The following DOCK7 variants were observed in gnomAD, a reference collection of about 807,000 sequenced individuals.
The protein encoded by DOCK7 is dedicator of cytokinesis 7.
In DOCK7, 138 loss-of-function variants were observed where a neutral mutation model predicts 271.0. That is an observed-to-expected ratio of 0.51 (90% CI 0.44 to 0.59). DOCK7 has a LOEUF of 0.59. DOCK7 is among the 20% of genes least tolerant of loss of function. The pLI, the probability that DOCK7 is intolerant of heterozygous loss-of-function variation, is 0.00. For missense variants in DOCK7, 2,066 were observed against 2,592.4 expected, an observed-to-expected ratio of 0.80 and a Z score of 4.41; for synonymous variants, 823 against 876.1, an observed-to-expected ratio of 0.94 and a Z score of 1.07.
In DOCK7 at chr1:62,663,091, T is replaced by C; in HGVS notation, c.78A>G (p.Gln26=). The change falls in exon 2 of 50, where the codon CAA becomes CAG. Residue 26 remains glutamine (Q), a synonymous_variant. Transcript: ENST00000635253. ...TGAGCAGTTGGGGAGAACCACTATA[T>C]TGTCCGGAGATCTGCTTCCTAACTT... ...AAEVRKQISG[Q]YSGSPQLLKN... 3 of 1,613,746 alleles carry C rather than the reference T, an allele frequency of 1.9e-6. No homozygotes were observed. The highest frequency in any genetic ancestry group is 2.5e-6 in the Non-Finnish European group (3 of 1,179,894).
Position 62,551,004 on chromosome 1 carries a change from A to AG in DOCK7, c.2766+1727dup, listed in dbSNP as rs1645885531. Among the ~76,000 whole-genome samples the AG allele has an allele frequency of 3.3e-5, 5 of 152,302 alleles. No individual in the cohort carries two copies. The South Asian group carries it at 1.0e-3, about 32-fold the overall frequency. On this transcript the variant is annotated intron_variant, in intron 22 of 49. Transcript: ENST00000635253. Reference sequence around the variant, plus strand: ...CTGAAGTGCTGGGATTACAGGCATGAGCCACCATACCCAGCCTGATGGGAA... The same window carrying AG: ...CTGAAGTGCTGGGATTACAGGCATGAGGCCACCATACCCAGCCTGATGGGAA...
At chr1:62,576,609 T>A (rs1016437172) in intron 18 of DOCK7, among the ~76,000 whole-genome samples, 10 of 152,234 alleles carry the variant, frequency 6.6e-5, no homozygotes, top group African/African-American at 2.4e-4. Flanking sequence ...TCACAAAACG[T>A]ATTTTAGAGT....
Position 62,552,793 on chromosome 1 carries a change from G to C in DOCK7, c.2705C>G (p.Pro902Arg). 6.2e-7 allele frequency: 1 copy of C among 1,613,834 alleles called. No homozygotes were observed. The highest frequency in any genetic ancestry group is 8.5e-7 in the Non-Finnish European group (1 of 1,179,902). ...TGACGTGGGAGTCCCAGATATATCT[G>C]GATTGCTATTACTAAGGCTTCGAGA... Reference protein sequence around the residue: ...NRSRSLSNSNPDISGTPTSPD... With the variant: ...NRSRSLSNSNRDISGTPTSPD... The change falls in exon 22 of 50, where the codon CCA (proline) becomes CGA (arginine). Residue 902 changes from proline to arginine, a missense_variant. Coordinates refer to ENST00000635253, the MANE Select transcript of DOCK7 (RefSeq NM_001367561.1).
In DOCK7 at chr1:62,474,108, G is replaced by A. The variant is rs529504725; in HGVS notation, c.6106-20C>T. On this transcript the variant is annotated intron_variant, in intron 47 of 49. Coordinates refer to ENST00000635253, the MANE Select transcript of DOCK7 (RefSeq NM_001367561.1). ...AGGCCCCTGCAAAATAAGAAAATAA[G>A]AAGTGTGTTTTTTTGTTATCTCTAA... 24 of 1,593,190 alleles carry A rather than the reference G, an allele frequency of 1.5e-5. No homozygotes were observed. In the South Asian group the frequency reaches 2.7e-4, roughly 18 times the overall value.
intron 37 of DOCK7, 57 bp downstream of exon 37, chr1:62,504,573 T>C (rs919412376): frequency 2.6e-6 from 4 of 1,530,462 alleles, no homozygotes; most frequent in Admixed American, 2.1e-5. Flanking sequence ...TTAATAACTA[T>C]CAGCAGAAGT....
intron 31 of DOCK7, among the ~76,000 whole-genome samples, chr1:62,521,263 GA>G (rs1307266961): frequency 5.9e-5 from 9 of 151,822 alleles, no homozygotes; most frequent in Non-Finnish European, 1.2e-4. Flanking sequence ...TAAAAAAAGG[GA>G]AAAAAATGTT....
chr1:62,586,693 A>G, intron 14 of DOCK7, 69 bp from the exon 15 acceptor site: 1 of 920,314 alleles, frequency 1.1e-6, no homozygotes, highest in Non-Finnish European at 1.6e-6. Flanking sequence ...CTCACAAAAT[A>G]CCACAAAATA....
At chr1:62,582,406 C>T (rs1018525538) in intron 16 of DOCK7, among the ~76,000 whole-genome samples, 21 of 149,876 alleles carry the variant, frequency 1.4e-4, no homozygotes, top group African/African-American at 3.9e-4. Context: ...AAAAATTAGC[C>T]GGGCGTAGTG....
chr1:62,495,451 A>T, intron 39 of DOCK7, 130 bp downstream of exon 39: 1 of 617,526 alleles, frequency 1.6e-6, no homozygotes, highest in Non-Finnish European at 2.5e-6. Flanking sequence ...AATAAAAATA[A>T]AAACAATAAA....
intron 15 of DOCK7, chr1:62,584,475 TA>T: frequency 9.6e-7 from 1 of 1,042,528 alleles, no homozygotes; most frequent in Non-Finnish European, 1.2e-6. Flanking sequence ...ATTTCATACA[TA>T]AAAACATTGT....
intron 10 of DOCK7, among the ~76,000 whole-genome samples, chr1:62,633,228 C>T (rs1012540391): frequency 6.6e-6 from 1 of 151,678 alleles, no homozygotes; most frequent in Non-Finnish European, 1.5e-5. Flanking sequence ...TGTAAAGAGT[C>T]AGTTAGTTTT....
chr1:62,524,475 T>G (rs1157166854), intron 31 of DOCK7, among the ~76,000 whole-genome samples: 1 of 152,198 alleles, frequency 6.6e-6, no homozygotes, highest in Non-Finnish European at 1.5e-5. Context: ...TTCATGCACC[T>G]ATCAACAGAA....
chr1:62,604,639 G>A (rs1650688956), intron 14 of DOCK7: 2 of 1,613,084 alleles, frequency 1.2e-6, no homozygotes, highest in Non-Finnish European at 1.7e-6. Context: ...TTAGGAGGCT[G>A]GTGGTGGCAT....
Position 62,552,741 on chromosome 1 carries a change from G to A in DOCK7, c.2757C>T (p.Ile919=), listed in dbSNP as rs752071248. Residue 919 remains isoleucine, a synonymous_variant, in exon 22 of 50, where the codon ATC becomes ATT. Coordinates refer to ENST00000635253, the MANE Select transcript of DOCK7 (RefSeq NM_001367561.1). The part of the protein sequence containing the change: ...TSPDDEVRSI[I]GSKGLDRSNS... ...CATGTCTTCAGTTTACCTTACTCCC[G>A]ATGATTGATCGAACTTCATCATCTG... is the stretch of plus-strand genomic sequence containing the variant. The A allele has an allele frequency of 1.6e-5, 25 of 1,609,860 alleles. No homozygotes were observed. Among genetic ancestry groups the A allele is most frequent in the Admixed American group, 8.4e-5 (5 of 59,638 alleles).
chr1:62,641,357 A>G, intron 7 of DOCK7: 2 of 403,630 alleles, frequency 5.0e-6, no homozygotes, highest in South Asian at 1.8e-5. Flanking sequence ...CACAACCTTG[A>G]GGGCAGCAGG....
rs1557915293 is a variant in DOCK7, at chr1:62,688,278, A to ACGGTGACGGCGG, written c.-15_-14insCCGCCGTCACCG. 7.8e-7 allele frequency: 1 copy of ACGGTGACGGCGG among 1,275,096 alleles called. No individual in the cohort carries two copies. The allele number at this position is 1,275,096 out of a possible 1,614,324, so 79.0% of individuals were successfully genotyped here. On this transcript the variant is annotated 5_prime_UTR_variant, in exon 1 of 50. Transcript: ENST00000635253. Reference sequence around the variant, plus strand: ...GCGCTCGGCCATGGCTGCTGCGGCGACGGCGACGGCGGCGGCGGCTGCGGC... The same window carrying ACGGTGACGGCGG: ...GCGCTCGGCCATGGCTGCTGCGGCGACGGTGACGGCGGCGGCGACGGCGGCGGCGGCTGCGGC...
intron 21 of DOCK7, among the ~76,000 whole-genome samples, chr1:62,553,116 C>T (rs1293407311): frequency 7.1e-6 from 1 of 141,614 alleles, no homozygotes; most frequent in Non-Finnish European, 1.5e-5. Context: ...CTCACTGCAA[C>T]CTCTGCCTCC....
chr1:62,455,615 T>C, intron 49 of DOCK7, 159 bp from the exon 50 acceptor site: 1 of 651,536 alleles, frequency 1.5e-6, no homozygotes, highest in South Asian at 1.8e-5. Flanking sequence ...CTCTGCCTTA[T>C]ATTTTGGCTT....
chr1:62,552,767 G>A lies in DOCK7; in HGVS notation c.2731C>T (p.Pro911Ser). ...NPDISGTPTS[P>S]DDEVRSIIGS... ...ATGATTGATCGAACTTCATCATCTG[G>A]TGACGTGGGAGTCCCAGATATATCT... The change falls in exon 22 of 50, where the codon CCA becomes TCA. Residue 911 changes from proline (P) to serine (S), a missense_variant. Pro to Ser is a moderately conservative substitution (Grantham distance 74). Coordinates refer to ENST00000635253, the MANE Select transcript of DOCK7 (RefSeq NM_001367561.1). The A allele has an allele frequency of 6.2e-7, 1 of 1,613,014 alleles. No homozygotes were observed. The highest frequency in any genetic ancestry group is 8.5e-7 in the Non-Finnish European group (1 of 1,179,480).
Sources: allele counts gnomAD v4.1 joint callset (sites outside exome capture counted in the v4.1 genomes callset), GRCh38; gene constraint gnomAD v4.1.1; transcripts MANE v1.5; gene names NCBI Gene and HGNC (gene_info 2026-07-23, HGNC 2026-07-21).